MAF: variants seen among roughly 807,000 people sequenced by gnomAD.
MAF encodes the protein MAF bZIP transcription factor, also known as transcription factor Maf.
Under a neutral mutation model 22.0 loss-of-function variants are expected in MAF, and 10 were observed. That is an observed-to-expected ratio of 0.45 (90% confidence interval 0.28 to 0.77). The LOEUF is 0.77. MAF is among the 30% of genes least tolerant of loss of function. The probability of loss-of-function intolerance (pLI) is 0.12; values close to 1 mark genes in which losing one functional copy is unlikely to be tolerated. For missense variants in MAF, 544 were observed against 548.4 expected, an observed-to-expected ratio of 0.99 and a Z score of 0.08; for synonymous variants, 337 against 255.8, an observed-to-expected ratio of 1.32 and a Z score of -3.03.
the MAF span, among the ~76,000 whole-genome samples, chr16:79,320,031 A>C: frequency 6.6e-6 from 1 of 152,182 alleles, no homozygotes; most frequent in Non-Finnish European, 1.5e-5. Context: ...GCCCAGGAGT[A>C]TGAGTCCAAC....
rs756769437 is a variant in MAF at position 79,594,562 on chromosome 16, G to C, written c.1119-9C>G. 1 of 1,555,414 alleles carries C rather than the reference G, an allele frequency of 6.4e-7. No homozygotes were observed. Among genetic ancestry groups the C allele is most frequent in the Non-Finnish European group, 8.7e-7 (1 of 1,148,322 alleles). ...TGCGAGTGGGCTCAGTTCTGTAATT[G>C]GAATGAAAGGAATTTTAACACTATT... On this transcript the variant is annotated splice_polypyrimidine_tract_variant and intron_variant, in intron 1 of 1. Coordinates refer to ENST00000326043, the MANE Select transcript of MAF (RefSeq NM_005360.5).
chr16:79,507,114 C>CTTTTT, the MAF span, among the ~76,000 whole-genome samples: 1 of 115,214 alleles, frequency 8.7e-6, no homozygotes, highest in African/African-American at 3.1e-5. Flanking sequence ...TTTTCTGCGT[C>CTTTTT]TTTTTTTTTT....
the MAF span, among the ~76,000 whole-genome samples, chr16:79,248,370 C>T: frequency 2.0e-5 from 3 of 152,184 alleles, no homozygotes; most frequent in African/African-American, 7.2e-5. Context: ...ATCCGAAGCT[C>T]TCCCACTTCT....
At chr16:79,429,517 T>A in the MAF span, among the ~76,000 whole-genome samples, 27 of 152,188 alleles carry the variant, frequency 1.8e-4, no homozygotes, top group Middle Eastern at 3.2e-3. Flanking sequence ...TGCAGTCATT[T>A]CCAAAGGAAG....
chr16:79,390,978 G>A, the MAF span, among the ~76,000 whole-genome samples: 4 of 152,092 alleles, frequency 2.6e-5, no homozygotes, highest in East Asian at 1.9e-4. Flanking sequence ...GATTTATTTC[G>A]GGACAGAAGT....
chr16:79,301,087 C>T, the MAF span, among the ~76,000 whole-genome samples: 8 of 152,094 alleles, frequency 5.3e-5, no homozygotes, highest in African/African-American at 1.9e-4. Flanking sequence ...GGAGTCTCAA[C>T]AAAGAGCCGT....
At chr16:79,258,089 C>T in the MAF span, among the ~76,000 whole-genome samples, 1 of 152,166 alleles carries the variant, frequency 6.6e-6, no homozygotes. Context: ...AACCTCAGCC[C>T]TTATCATTAT....
At chr16:79,430,755 T>C in the MAF span, among the ~76,000 whole-genome samples, 43 of 152,310 alleles carry the variant, frequency 2.8e-4, no homozygotes, top group African/African-American at 1.0e-3. Flanking sequence ...CCAGTCCTTC[T>C]CCATCAGGGT....
the MAF span, among the ~76,000 whole-genome samples, chr16:79,362,460 C>T: frequency 6.6e-6 from 1 of 152,196 alleles, no homozygotes; most frequent in South Asian, 2.1e-4. Flanking sequence ...TCCTTCATGT[C>T]GAATGTTTGA....
At chr16:79,591,898 A>G (rs545801180), downstream of MAF, among the ~76,000 whole-genome samples, 2 of 152,328 alleles carry the variant, frequency 1.3e-5, no homozygotes, top group African/African-American at 4.8e-5. Context: ...GACATTAACG[A>G]TTTCCTCAAA....
the MAF span, among the ~76,000 whole-genome samples, chr16:79,272,061 G>C: frequency 1.3e-5 from 2 of 152,130 alleles, no homozygotes; most frequent in Non-Finnish European, 2.9e-5. Context: ...AGGTACGTGT[G>C]AGCCAATACT....
chr16:79,595,257 C>A, intron 1 of MAF: 3 of 1,046,926 alleles, frequency 2.9e-6, no homozygotes, highest in Non-Finnish European at 3.5e-6. Flanking sequence ...TAAACTAGCA[C>A]ATAAAGGAAG....
chr16:79,249,021 T>A, the MAF span, among the ~76,000 whole-genome samples: 1 of 152,284 alleles, frequency 6.6e-6, no homozygotes, highest in East Asian at 1.9e-4. Flanking sequence ...CCAAAATTCA[T>A]ATGCTGAAGC....
the MAF span, among the ~76,000 whole-genome samples, chr16:79,543,394 A>G: frequency 6.6e-6 from 1 of 152,192 alleles, no homozygotes; most frequent in East Asian, 1.9e-4. Flanking sequence ...AATGGTGCCT[A>G]CAGTAGAGGC....
At chr16:79,397,938 G>C in the MAF span, among the ~76,000 whole-genome samples, 1 of 152,200 alleles carries the variant, frequency 6.6e-6, no homozygotes, top group African/African-American at 2.4e-5. Context: ...TATTGCTGCT[G>C]TGATAAATTA....
the MAF span, among the ~76,000 whole-genome samples, chr16:79,568,525 C>T: frequency 6.6e-6 from 1 of 152,168 alleles, no homozygotes; most frequent in Non-Finnish European, 1.5e-5. Context: ...TTAAAACAGG[C>T]ATACACTGAG....
At chr16:79,223,600 A>AATAG in the MAF span, among the ~76,000 whole-genome samples, 1 of 152,002 alleles carries the variant, frequency 6.6e-6, no homozygotes, top group Non-Finnish European at 1.5e-5. Context: ...AGATCAACAA[A>AATAG]ATACACCACT....
the MAF span, among the ~76,000 whole-genome samples, chr16:79,433,847 AAATCAGAAAG>A: frequency 6.6e-6 from 1 of 152,178 alleles, no homozygotes; most frequent in East Asian, 1.9e-4. Flanking sequence ...CCTTTGTAAT[AAATCAGAAAG>A]ATCTGGCATG....
the MAF span, among the ~76,000 whole-genome samples, chr16:79,260,463 C>CTATCTATCTA: frequency 2.8e-5 from 4 of 145,330 alleles, no homozygotes; most frequent in African/African-American, 1.0e-4. Flanking sequence ...ATGTATCTAT[C>CTATCTATCTA]TATCTATATC....
Sources: allele counts gnomAD v4.1 joint callset (sites outside exome capture counted in the v4.1 genomes callset), GRCh38; gene constraint gnomAD v4.1.1; transcripts MANE v1.5; gene names NCBI Gene and HGNC (gene_info 2026-07-23, HGNC 2026-07-21).